The following CHL1 variants were observed in gnomAD, a reference collection of about 807,000 sequenced individuals.
CHL1 encodes the protein neural cell adhesion molecule L1-like protein.
Under a neutral mutation model 141.9 loss-of-function variants are expected in CHL1, and 96 were observed. The observed-to-expected ratio is 0.68, with a 90% CI of 0.57 to 0.80. The LOEUF is 0.80. Ranked by LOEUF, CHL1 falls within the 30% of genes least tolerant of loss-of-function variation. CHL1 has a pLI of 0.00. For synonymous variants in CHL1, 613 were observed against 502.2 expected (o/e 1.22, Z -2.95); for missense variants, 1,820 against 1,457.2 (o/e 1.25, Z -4.05).
intron 27 of CHL1, among the ~76,000 whole-genome samples, chr3:404,792 G>C (rs975912421): frequency 5.3e-5 from 8 of 152,120 alleles, no homozygotes; most frequent in African/African-American, 1.9e-4. Flanking sequence ...TGACAGCAAG[G>C]GAAATTGCAT....
chr3:269,950 A>G (rs1695491275), intron 2 of CHL1, among the ~76,000 whole-genome samples: 1 of 152,160 alleles, frequency 6.6e-6, no homozygotes, highest in Admixed American at 6.5e-5. Context: ...AGCTGGAGGA[A>G]GGTGGGATGA....
chr3:394,062 A>T (rs1038637022), intron 23 of CHL1, among the ~76,000 whole-genome samples: 6 of 152,088 alleles, frequency 3.9e-5, no homozygotes, highest in African/African-American at 1.2e-4. Context: ...CACAAATCTC[A>T]TGTCTTTGCT....
chr3:378,907 C>A (rs969176838), intron 16 of CHL1, among the ~76,000 whole-genome samples: 1 of 152,136 alleles, frequency 6.6e-6, no homozygotes, highest in Non-Finnish European at 1.5e-5. Flanking sequence ...TTGGAACTAT[C>A]GTAAATTTGT....
At chr3:361,244 G>T (rs895445046) in intron 12 of CHL1, among the ~76,000 whole-genome samples, 2 of 150,238 alleles carry the variant, frequency 1.3e-5, no homozygotes, top group African/African-American at 2.5e-5. Flanking sequence ...AGACTTAAAC[G>T]TTAGACCTAA....
At chr3:362,778 C>T (rs1470089321) in intron 13 of CHL1, among the ~76,000 whole-genome samples, 1 of 152,176 alleles carries the variant, frequency 6.6e-6, no homozygotes, top group African/African-American at 2.4e-5. Context: ...ACAGGCAAGA[C>T]TCCCCAGCTT....
At chr3:362,219 A>G (rs191666315) in intron 13 of CHL1, among the ~76,000 whole-genome samples, 49 of 152,332 alleles carry the variant, frequency 3.2e-4, no homozygotes, top group Admixed American at 1.6e-3. Context: ...CTTTTCCAGC[A>G]TTCATTTTGA....
intron 2 of CHL1, among the ~76,000 whole-genome samples, chr3:307,768 T>G (rs1457965031): frequency 1.3e-5 from 2 of 151,870 alleles, no homozygotes; most frequent in African/African-American, 2.4e-5. Context: ...GTACATGTAG[T>G]AACCAGTGCT....
intron 1 of CHL1, among the ~76,000 whole-genome samples, chr3:236,971 A>T (rs1692048292): frequency 6.6e-6 from 1 of 152,182 alleles, no homozygotes; most frequent in Non-Finnish European, 1.5e-5. Flanking sequence ...TAGTTAGGAA[A>T]CACGTCATTA....
At chr3:361,642 T>C in intron 12 of CHL1, 57 bp from the exon 13 acceptor site, 3 of 1,183,848 alleles carry the variant, frequency 2.5e-6, no homozygotes, top group South Asian at 1.2e-5. Context: ...AAAAATTTAA[T>C]TTGCATATCT....
At chr3:239,515 G>A (rs1692342666) in intron 1 of CHL1, among the ~76,000 whole-genome samples, 2 of 151,270 alleles carry the variant, frequency 1.3e-5, no homozygotes, top group Admixed American at 1.3e-4. Context: ...GTAAGGTGAA[G>A]GAACTATGAA....
intron 1 of CHL1, among the ~76,000 whole-genome samples, chr3:243,012 G>A (rs1334931395): frequency 6.6e-6 from 1 of 152,094 alleles, no homozygotes; most frequent in Non-Finnish European, 1.5e-5. Context: ...TGACATGATG[G>A]ATTTTGAAGA....
At chr3:235,207 A>G (rs1187558001) in intron 1 of CHL1, among the ~76,000 whole-genome samples, 1 of 152,052 alleles carries the variant, frequency 6.6e-6, no homozygotes, top group Non-Finnish European at 1.5e-5. Context: ...GGCCATAAAG[A>G]ACAAGAGTTT....
intron 5 of CHL1, among the ~76,000 whole-genome samples, chr3:336,535 G>A (rs918184456): frequency 2.6e-5 from 4 of 152,114 alleles, no homozygotes; most frequent in African/African-American, 9.7e-5. Flanking sequence ...ACCCTGGTGA[G>A]GTGTTTGAGG....
chr3:347,219 A>G (rs1308023794), intron 9 of CHL1, among the ~76,000 whole-genome samples: 1 of 152,106 alleles, frequency 6.6e-6, no homozygotes, highest in Non-Finnish European at 1.5e-5. Context: ...TTCTTTCACA[A>G]GATACTACTT....
chr3:222,811 C>T (rs1430421764), intron 1 of CHL1, among the ~76,000 whole-genome samples: 1 of 152,096 alleles, frequency 6.6e-6, no homozygotes, highest in Non-Finnish European at 1.5e-5. Flanking sequence ...ATATTGATTT[C>T]TAAGGGATTT....
chr3:347,303 T>C (rs942916156), intron 9 of CHL1, among the ~76,000 whole-genome samples: 5 of 152,192 alleles, frequency 3.3e-5, no homozygotes. Flanking sequence ...TGAGGTAGTG[T>C]ATTTTGTGTG....
At position 409,300 on chromosome 3, in the gene CHL1, G is replaced by A. The variant is rs1709720207; in HGVS notation, c.*3589G>A. The A allele has an allele frequency of 6.6e-6, 1 of 152,058 alleles. No individual in the cohort carries two copies. Among genetic ancestry groups the A allele is most frequent in the Admixed American group, 6.6e-5 (1 of 15,254 alleles). 9.4% of individuals were successfully genotyped at this position (152,058 alleles called of 1,614,324 possible). On this transcript the variant is annotated 3_prime_UTR_variant, in exon 28 of 28. Transcript: ENST00000256509. ...TTCATAGTAGAACTTTATAAAACGTGTTTGTATTGTAGGTGGTGTTTGTAT... is the reference window on the plus strand; with the variant it reads ...TTCATAGTAGAACTTTATAAAACGTATTTGTATTGTAGGTGGTGTTTGTAT...
At chr3:280,016 G>A (rs561463812) in intron 2 of CHL1, among the ~76,000 whole-genome samples, 30 of 152,052 alleles carry the variant, frequency 2.0e-4, no homozygotes, top group African/African-American at 7.0e-4. Flanking sequence ...TGCTGATTAT[G>A]GTTATGTTGT....
Position 391,125 on chromosome 3 carries a change from A to G in CHL1, c.2757A>G (p.Glu919=), listed in dbSNP as rs781647507. The G allele has an allele frequency of 1.2e-6, 2 of 1,613,742 alleles. No individual in the cohort carries two copies. The highest frequency in any genetic ancestry group is 3.3e-5 in the Admixed American group (2 of 60,022). Residue 919 remains glutamate (E), a synonymous_variant, in exon 22 of 28, where the codon GAA becomes GAG. Coordinates refer to ENST00000256509, the MANE Select transcript of CHL1 (RefSeq NM_006614.4). The part of the protein sequence containing the change: ...LAYNSKGAGP[E]SEPYIFQTPE... ...ATAACTCTAAAGGAGCTGGTCCTGAAAGTGAGCCTTATATATTTCAAACAC... is the reference window on the plus strand; with the variant it reads ...ATAACTCTAAAGGAGCTGGTCCTGAGAGTGAGCCTTATATATTTCAAACAC...
Sources: allele counts gnomAD v4.1 joint callset (sites outside exome capture counted in the v4.1 genomes callset), GRCh38; gene constraint gnomAD v4.1.1; transcripts MANE v1.5; gene names NCBI Gene and HGNC (gene_info 2026-07-23, HGNC 2026-07-21).